Variants in DMD observed in about 807,000 individuals in gnomAD.
The protein encoded by DMD is mutant dystrophin.
DMD carries 63 observed loss-of-function variants against 330.1 expected under a neutral mutation model. That is an observed-to-expected ratio of 0.19 (90% CI 0.16 to 0.24). The LOEUF (loss-of-function observed/expected upper bound fraction) is 0.24, where lower values mean the gene tolerates loss of function less well. DMD is among the 10% of genes least tolerant of loss of function. The pLI is 1.00. For missense variants in DMD, 3,344 were observed against 2,684.1 expected, an observed-to-expected ratio of 1.25 and a Z score of -5.43; for synonymous variants, 1,223 against 959.8, an observed-to-expected ratio of 1.27 and a Z score of -5.07.
intron 9 of DMD, among the ~76,000 whole-genome samples, chrX:32,663,344 A>G (rs5971654): frequency 0.1 from 11,489 of 111,630 alleles, 1,342 homozygotes; most frequent in African/African-American, 0.34. Flanking sequence ...TAAGATATCC[A>G]TAATCAATTG....
chrX:31,801,590 CCAA>C (rs370381416), intron 50 of DMD, among the ~76,000 whole-genome samples: 9,784 of 89,737 alleles, frequency 0.11, 489 homozygotes, highest in East Asian at 0.18. Context: ...TCCCCCCCCC[CCAA>C]CACACACACA....
intron 43 of DMD, among the ~76,000 whole-genome samples, chrX:32,280,227 G>T (rs1248030915): frequency 1.0e-5 from 1 of 99,278 alleles, no homozygotes; most frequent in Non-Finnish European, 2.0e-5. Flanking sequence ...AACATTTAAA[G>T]ATAAAAAATT....
At chrX:32,803,448 T>A (rs1357483577) in intron 7 of DMD, among the ~76,000 whole-genome samples, 1 of 110,603 alleles carries the variant, frequency 9.0e-6, no homozygotes, top group Non-Finnish European at 1.9e-5. Flanking sequence ...TTAAGGGTTT[T>A]TCGTGTCTCT....
chrX:31,478,678 C>A (rs1222929467), intron 58 of DMD, among the ~76,000 whole-genome samples: 1 of 112,128 alleles, frequency 8.9e-6, no homozygotes. Context: ...GGAAAATTAA[C>A]TTGTAGTCTT....
intron 43 of DMD, among the ~76,000 whole-genome samples, chrX:32,260,148 T>A: frequency 9.0e-6 from 1 of 111,147 alleles, no homozygotes; most frequent in East Asian, 2.9e-4. Context: ...AGTGGGAAAG[T>A]GTAGGAAGTG....
intron 47 of DMD, among the ~76,000 whole-genome samples, chrX:31,891,752 G>A (rs12008226): frequency 4.5e-5 from 5 of 111,008 alleles, no homozygotes; most frequent in Non-Finnish European, 3.8e-5. Context: ...CATCTGGACC[G>A]TTATAGAAAG....
chrX:32,518,256 A>G, intron 17 of DMD, 125 bp from the exon 18 acceptor site: 4 of 669,850 alleles, frequency 6.0e-6, no homozygotes, highest in Non-Finnish European at 9.2e-6. Flanking sequence ...CACCTCTATT[A>G]GTATTAATAG....
chrX:32,729,228 G>A (rs1265854618), intron 7 of DMD, among the ~76,000 whole-genome samples: 2 of 111,803 alleles, frequency 1.8e-5, no homozygotes, highest in East Asian at 5.6e-4. Context: ...TGCTCAACTC[G>A]TATGTATAAT....
chrX:33,199,801 A>G (rs2051162559), intron 1 of DMD, among the ~76,000 whole-genome samples: 1 of 111,359 alleles, frequency 9.0e-6, no homozygotes, highest in African/African-American at 3.3e-5. Flanking sequence ...TGAAGCCATG[A>G]GAGGACAGTG....
At chrX:32,526,307 A>G (rs1396651045) in intron 17 of DMD, among the ~76,000 whole-genome samples, 3 of 112,077 alleles carry the variant, frequency 2.7e-5, no homozygotes, top group Non-Finnish European at 5.6e-5. Context: ...TCAATTTGTT[A>G]TTATTTATGG....
chrX:32,489,823 C>T (rs1295574493), intron 20 of DMD, among the ~76,000 whole-genome samples: 2 of 111,948 alleles, frequency 1.8e-5, no homozygotes, highest in Non-Finnish European at 3.8e-5. Context: ...GATTATTCCT[C>T]TGATTCACAG....
intron 2 of DMD, among the ~76,000 whole-genome samples, chrX:33,011,267 C>T (rs946545471): frequency 1.8e-5 from 2 of 111,263 alleles, no homozygotes; most frequent in Non-Finnish European, 1.9e-5. Context: ...CTCAACCAGC[C>T]CCACAACAAT....
chrX:32,917,112 TAGTG>T (rs1183792475), intron 2 of DMD, among the ~76,000 whole-genome samples: 1 of 109,559 alleles, frequency 9.1e-6, no homozygotes, highest in African/African-American at 3.3e-5. Flanking sequence ...TTTCTTGTGA[TAGTG>T]AGTGAGTTCT....
intron 44 of DMD, among the ~76,000 whole-genome samples, chrX:32,196,786 C>T (rs1473666422): frequency 2.7e-5 from 3 of 109,634 alleles, no homozygotes; most frequent in East Asian, 5.8e-4. Flanking sequence ...GAGATCGAGA[C>T]CATCCTGGCT....
intron 60 of DMD, among the ~76,000 whole-genome samples, chrX:31,392,332 A>G: frequency 8.9e-6 from 1 of 112,917 alleles, no homozygotes; most frequent in Non-Finnish European, 1.9e-5. Flanking sequence ...TTGAGCTAAT[A>G]AACCAATTTT....
chrX:32,466,762 G>T (rs2040070766), intron 23 of DMD, among the ~76,000 whole-genome samples: 2 of 111,262 alleles, frequency 1.8e-5, no homozygotes, highest in Admixed American at 1.9e-4. Context: ...GGGGACATGA[G>T]ACAAGGAATG....
At chrX:32,699,845 A>T (rs1016775387) in intron 7 of DMD, among the ~76,000 whole-genome samples, 1 of 111,815 alleles carries the variant, frequency 8.9e-6, no homozygotes, top group African/African-American at 3.2e-5. Flanking sequence ...AATACCATAT[A>T]ATGATTTTTA....
chrX:31,180,098 C>T, intron 69 of DMD, among the ~76,000 whole-genome samples: 1 of 111,167 alleles, frequency 9.0e-6, no homozygotes, highest in South Asian at 3.8e-4. Flanking sequence ...AACGTGAAAA[C>T]GTCTTCAATA....
intron 7 of DMD, among the ~76,000 whole-genome samples, chrX:32,792,164 A>G (rs2075865805): frequency 8.9e-6 from 1 of 111,866 alleles, no homozygotes; most frequent in South Asian, 3.7e-4. Flanking sequence ...TCAAGGAGAA[A>G]TAAAATAGTT....
Sources: allele counts gnomAD v4.1 joint callset (sites outside exome capture counted in the v4.1 genomes callset), GRCh38; gene constraint gnomAD v4.1.1; transcripts MANE v1.5; gene names NCBI Gene and HGNC (gene_info 2026-07-23, HGNC 2026-07-21).